Variants in CA6 observed in about 807,000 individuals in gnomAD.
The protein encoded by CA6 is carbonate dehydratase VI.
In CA6, 28 loss-of-function variants were observed where a neutral mutation model predicts 35.9. The observed-to-expected ratio is 0.78, with a 90% CI of 0.58 to 1.07. The LOEUF is 1.07. CA6 is among the 50% of genes least tolerant of loss of function. CA6 has a pLI of 0.00. For missense variants in CA6, 377 were observed against 382.0 expected (o/e 0.99, Z 0.11); for synonymous variants, 148 against 152.6 (o/e 0.97, Z 0.22).
chr1:8,956,177 C>G (rs959840335), intron 2 of CA6, among the ~76,000 whole-genome samples: 1 of 151,858 alleles, frequency 6.6e-6, no homozygotes, highest in Non-Finnish European at 1.5e-5. Context: ...GAGCCTAGAT[C>G]ATGCCACTGC....
At position 8,973,752 on chromosome 1, in the gene CA6, CT is replaced by C. The variant is rs780692242; in HGVS notation, c.845-867del. Among the ~76,000 whole-genome samples, 9 of 20,612 alleles carry C rather than the reference CT, an allele frequency of 4.4e-4. 1 individual carries two copies. The highest frequency in any genetic ancestry group is 3.1e-3 in the African/African-American group (7 of 2,226). The allele number at this position is 20,612 out of a possible 152,430, so 13.5% of individuals were successfully genotyped here. A position where few individuals can be genotyped will look rare whatever the true frequency, so the allele number is the denominator to read the frequency against. ...TCTTTCTTTCTTTCTTTCTTTCTTT[CT>C]TTCTTTCTTTCTTTCTTTCTTTCTT... On this transcript the variant is annotated intron_variant, in intron 7 of 7. Transcript: ENST00000377443.
At position 8,945,937 on chromosome 1, in the gene CA6, C is replaced by A. The variant is rs766830528; in HGVS notation, c.51C>A (p.Ala17=). The A allele has an allele frequency of 3.1e-6, 5 of 1,613,618 alleles. No homozygotes were observed. The South Asian group carries it at 5.5e-5, about 18-fold the overall frequency. The change falls in exon 1 of 8, where the codon GCC becomes GCA. Residue 17 remains alanine, a synonymous_variant. Coordinates refer to ENST00000377443, the MANE Select transcript of CA6 (RefSeq NM_001215.4). ...LLSLFLLGGQ[A]QHVSDWTYSE... is the part of the protein sequence containing the mutation. ...CCCTGTTCCTGCTGGGTGGCCAGGC[C>A]CAGCATGTGTCTGACTGGACCTACT...
At chr1:8,953,635 A>ATCAG (rs564553722) in intron 2 of CA6, among the ~76,000 whole-genome samples, 14,591 of 114,882 alleles carry the variant, frequency 0.13, 804 homozygotes, top group South Asian at 0.19. Flanking sequence ...CAATCAATCA[A>ATCAG]TCAGTCAATC....
At chr1:8,973,448 C>T (rs935797625) in intron 7 of CA6, among the ~76,000 whole-genome samples, 7 of 152,228 alleles carry the variant, frequency 4.6e-5, no homozygotes, top group African/African-American at 1.7e-4. Context: ...TTTTCCACTA[C>T]AGCGTCACTC....
rs75823497 is a variant in CA6 at position 8,945,872 on chromosome 1, C to A, written c.-15C>A. 2.6e-3 allele frequency: 4,163 copies of A among 1,592,000 alleles called. 114 individuals are homozygous for A. The African/African-American group carries it at 0.049, about 19-fold the overall frequency. On this transcript the variant is annotated 5_prime_UTR_variant, in exon 1 of 8. Transcript: ENST00000377443. ...GCTTCGCCGGAATCAGTCTTCATTACAGATGTGCAGCACCATGAGGGCCCT... is the reference window on the plus strand; with the variant it reads ...GCTTCGCCGGAATCAGTCTTCATTAAAGATGTGCAGCACCATGAGGGCCCT...
At chr1:8,972,300 C>T (rs575458483) in intron 7 of CA6, among the ~76,000 whole-genome samples, 2 of 152,196 alleles carry the variant, frequency 1.3e-5, no homozygotes, top group East Asian at 3.9e-4. Context: ...ATCCTCCCCC[C>T]TCAGCCTCCC....
chr1:8,960,106 C>T (rs986463882), intron 4 of CA6, among the ~76,000 whole-genome samples: 1 of 151,818 alleles, frequency 6.6e-6, no homozygotes, highest in African/African-American at 2.4e-5. Context: ...TGACGCACGC[C>T]TGTAATCCCA....
intron 6 of CA6, among the ~76,000 whole-genome samples, chr1:8,969,635 C>G (rs914945336): frequency 1.6e-4 from 25 of 152,274 alleles, no homozygotes; most frequent in African/African-American, 5.1e-4. Context: ...GTCTCTCTCT[C>G]TCTCTGGGTG....
chr1:8,968,091 C>A (rs917474187), intron 6 of CA6, among the ~76,000 whole-genome samples: 1 of 151,552 alleles, frequency 6.6e-6, no homozygotes, highest in Non-Finnish European at 1.5e-5. Flanking sequence ...CCTCAGCCTC[C>A]CGAGTAGCTG....
intron 2 of CA6, chr1:8,951,609 G>T (rs1431066828): frequency 1.3e-6 from 1 of 765,208 alleles, no homozygotes; most frequent in Non-Finnish European, 2.4e-6. Flanking sequence ...CCAGAAGAGG[G>T]AAGGCATATG....
In CA6 at chr1:8,949,419, C is replaced by A. The variant is rs767129574; in HGVS notation, c.236C>A (p.Pro79His). Residue 79 changes from proline (P) to histidine (H), a missense_variant, in exon 2 of 8, where the codon CCC (proline) becomes CAC (histidine). Coordinates refer to ENST00000377443, the MANE Select transcript of CA6 (RefSeq NM_001215.4). ...TGYETQAGEF[P>H]MVNNGHTVQI... ...TATGAGACCCAGGCAGGGGAGTTCC[C>A]CATGGTCAACAATGGCCACACAGGT... 2 of 1,612,948 alleles carry A rather than the reference C, an allele frequency of 1.2e-6. No individual in the cohort carries two copies. Among genetic ancestry groups the A allele is most frequent in the South Asian group, 2.2e-5 (2 of 90,944 alleles).
Position 8,949,391 on chromosome 1 carries a change from G to A in CA6, c.208G>A (p.Gly70Ser). Residue 70 changes from glycine (G) to serine (S), a missense_variant, in exon 2 of 8, where the codon GGC becomes AGC. By Grantham distance (56) the Gly-to-Ser change is moderately conservative. Coordinates refer to ENST00000377443, the MANE Select transcript of CA6 (RefSeq NM_001215.4). The stretch of plus-strand genomic sequence containing the variant: ...CTCCTTGAAGGGGCTCAATATGACA[G>A]GCTATGAGACCCAGGCAGGGGAGTT... ...NPSLKGLNMTGYETQAGEFPM... is the reference protein window; with the variant it reads ...NPSLKGLNMTSYETQAGEFPM... The A allele has an allele frequency of 6.2e-7, 1 of 1,613,368 alleles. No homozygotes were observed. Among genetic ancestry groups the A allele is most frequent in the Non-Finnish European group, 8.5e-7 (1 of 1,179,640 alleles).
At chr1:8,959,886 C>T (rs540666873) in intron 4 of CA6, among the ~76,000 whole-genome samples, 7 of 129,408 alleles carry the variant, frequency 5.4e-5, no homozygotes, top group Admixed American at 8.2e-5. Flanking sequence ...GAGCCGAGAT[C>T]GTGCTACTGC....
At chr1:8,974,174 G>A (rs1002130480) in intron 7 of CA6, among the ~76,000 whole-genome samples, 3 of 152,122 alleles carry the variant, frequency 2.0e-5, no homozygotes, top group Non-Finnish European at 4.4e-5. Flanking sequence ...ACCCAGCTGC[G>A]TGACTCATGG....
chr1:8,947,336 C>T lies in CA6; in HGVS notation c.79+1371C>T, dbSNP rs181320404. On this transcript the variant is annotated intron_variant, in intron 1 of 7. Coordinates refer to ENST00000377443, the MANE Select transcript of CA6 (RefSeq NM_001215.4). ...CCGCTGGCTGATGCAGGAAGTGAGACAAACATCTGCTTCCTGCAGAGTCTG... is the reference window on the plus strand; with the variant it reads ...CCGCTGGCTGATGCAGGAAGTGAGATAAACATCTGCTTCCTGCAGAGTCTG... Among the ~76,000 whole-genome samples, 24 of 152,178 alleles carry T rather than the reference C, an allele frequency of 1.6e-4. No individual in the cohort carries two copies. The East Asian group carries it at 3.9e-3, about 24-fold the overall frequency.
intron 2 of CA6, among the ~76,000 whole-genome samples, chr1:8,956,534 C>T (rs1210351561): frequency 1.3e-5 from 2 of 152,030 alleles, no homozygotes; most frequent in South Asian, 2.1e-4. Context: ...GTGGCGGGCA[C>T]CTGTAGTTCC....
intron 7 of CA6, among the ~76,000 whole-genome samples, chr1:8,973,164 C>T (rs1483767213): frequency 3.3e-5 from 5 of 152,234 alleles, no homozygotes; most frequent in African/African-American, 1.2e-4. Flanking sequence ...GGATTACAGG[C>T]ACGCGCCCCC....
chr1:8,960,122 T>G (rs1639799987), intron 4 of CA6, among the ~76,000 whole-genome samples: 1 of 151,602 alleles, frequency 6.6e-6, no homozygotes, highest in Non-Finnish European at 1.5e-5. Flanking sequence ...TCCCAGCTAC[T>G]TAGGAGGCTG....
At position 8,962,841 on chromosome 1, in the gene CA6, G is replaced by A. The variant is rs980874248; in HGVS notation, c.571+185G>A. ...GTGATTTCTGCTGTTGGCTTAGGCA[G>A]CAAACCTCTCTGAGAAGCCTGTGCA... On this transcript the variant is annotated intron_variant, in intron 5 of 7. Transcript: ENST00000377443. Among the ~76,000 whole-genome samples the A allele has an allele frequency of 2.6e-5, 4 of 152,222 alleles. No homozygotes were observed. The East Asian group carries it at 7.7e-4, about 29-fold the overall frequency.
Sources: gnomAD v4.1 joint callset for allele counts (sites outside exome capture counted in the v4.1 genomes callset) on GRCh38, gnomAD v4.1.1 for gene constraint, MANE v1.5 for transcripts, NCBI Gene and HGNC (gene_info 2026-07-23, HGNC 2026-07-21) for gene names.